CEP112: variants seen among roughly 807,000 people sequenced by gnomAD.
CEP112 encodes centrosomal protein of 112 kDa.
A neutral mutation model predicts 153.0 loss-of-function variants in CEP112; 127 were observed. The observed-to-expected ratio is 0.83, with a 90% CI of 0.72 to 0.96. CEP112 has a LOEUF of 0.96. CEP112 is among the 40% of genes least tolerant of loss of function. CEP112 has a pLI of 0.00. For missense variants in CEP112, 1,089 were observed against 1,101.2 expected (o/e 0.99, Z 0.16); for synonymous variants, 358 against 374.4 (o/e 0.96, Z 0.51).
chr17:65,977,516 T>C (rs991145885), intron 17 of CEP112, among the ~76,000 whole-genome samples: 2 of 152,200 alleles, frequency 1.3e-5, no homozygotes, highest in Non-Finnish European at 2.9e-5. Flanking sequence ...ATGATGCGGC[T>C]GCCTTTGGAT....
chr17:65,757,541 G>A (rs2052360044), intron 21 of CEP112, among the ~76,000 whole-genome samples: 2 of 152,310 alleles, frequency 1.3e-5, no homozygotes, highest in South Asian at 4.1e-4. Context: ...AATTGCCAAT[G>A]CTGAATTTAA....
At chr17:66,109,932 G>A (rs775407341) in intron 6 of CEP112, among the ~76,000 whole-genome samples, 27 of 152,144 alleles carry the variant, frequency 1.8e-4, no homozygotes, top group Non-Finnish European at 2.9e-4. Flanking sequence ...AGGCTGAGGC[G>A]AGCAGATCAT....
rs34264279 is a variant in CEP112 at position 65,883,263 on chromosome 17, C to CATATATATAT, written c.2163+18879_2163+18888dup. On this transcript the variant is annotated intron_variant, in intron 20 of 26. Transcript: ENST00000535342. ...ATTGCAGCTCATGCTAAGAAGTTTA[C>CATATATATAT]ATATATATATATATATATGAAGTGT... Among the ~76,000 whole-genome samples, 273 of 146,864 alleles carry CATATATATAT rather than the reference C, an allele frequency of 1.9e-3. 1 individual carries two copies. Among genetic ancestry groups the CATATATATAT allele is most frequent in the African/African-American group, 6.5e-3 (260 of 39,958 alleles).
chr17:65,640,654 G>A (rs982667819), intron 25 of CEP112, among the ~76,000 whole-genome samples: 1 of 152,130 alleles, frequency 6.6e-6, no homozygotes, highest in Non-Finnish European at 1.5e-5. Context: ...GCTAAGTGAT[G>A]GCATTTTGGA....
intron 21 of CEP112, among the ~76,000 whole-genome samples, chr17:65,839,789 A>G (rs1289879269): frequency 6.6e-6 from 1 of 152,104 alleles, no homozygotes; most frequent in Non-Finnish European, 1.5e-5. Flanking sequence ...ACTCCACCAA[A>G]ATAATGTTAG....
chr17:65,708,958 T>C (rs1257422223), intron 23 of CEP112, among the ~76,000 whole-genome samples: 3 of 152,162 alleles, frequency 2.0e-5, no homozygotes, highest in Non-Finnish European at 4.4e-5. Flanking sequence ...CTCACCCTCC[T>C]ACTTGTTATA....
intron 17 of CEP112, among the ~76,000 whole-genome samples, chr17:65,994,260 T>G (rs1481632252): frequency 6.6e-6 from 1 of 152,200 alleles, no homozygotes; most frequent in African/African-American, 2.4e-5. Flanking sequence ...ATAGTTAGGC[T>G]TTCATTGAGT....
In CEP112 at chr17:66,030,433, A is replaced by G. The variant is rs117257178; in HGVS notation, c.1219-410T>C. Among the ~76,000 whole-genome samples, 784 of 152,322 alleles carry G rather than the reference A, an allele frequency of 5.1e-3. 3 individuals are homozygous for G. Among genetic ancestry groups the G allele is most frequent in the Non-Finnish European group, 9.1e-3 (621 of 68,026 alleles). On this transcript the variant is annotated intron_variant, in intron 12 of 26. Coordinates refer to ENST00000535342, the MANE Select transcript of CEP112 (RefSeq NM_001199165.4). ...TGATTTTAAGTTTTTGAAATGTGTT[A>G]TAAGAGTAATGTAATAGTATTTTTA...
chr17:66,150,767 T>A (rs1462160896), intron 4 of CEP112, among the ~76,000 whole-genome samples: 3 of 152,262 alleles, frequency 2.0e-5, no homozygotes, highest in Admixed American at 6.5e-5. Context: ...AGTTGCTCCA[T>A]CAATTCCCAA....
chr17:66,132,743 T>G lies in CEP112; in HGVS notation c.491A>C (p.Lys164Thr). The G allele has an allele frequency of 6.2e-7, 1 of 1,613,362 alleles. No individual in the cohort carries two copies. Among genetic ancestry groups the G allele is most frequent in the Non-Finnish European group, 8.5e-7 (1 of 1,179,272 alleles). ...CAAGGAGTGTGATCTCACTCGGAGCTTCCCAGTGTACTGTTCCCTGCTAAG... is the reference window on the plus strand; with the variant it reads ...CAAGGAGTGTGATCTCACTCGGAGCGTCCCAGTGTACTGTTCCCTGCTAAG... ...DVYSREQYTGKLRVRSHSLSP... is the reference protein window; with the variant it reads ...DVYSREQYTGTLRVRSHSLSP... The change falls in exon 5 of 27, where the codon AAG becomes ACG. Residue 164 changes from lysine (K) to threonine (T), a missense_variant. Lys to Thr is a moderately conservative substitution (Grantham distance 78, BLOSUM62 -1). Coordinates refer to ENST00000535342, the MANE Select transcript of CEP112 (RefSeq NM_001199165.4).
At chr17:66,029,400 C>A (rs533930586) in intron 13 of CEP112, 148 bp from the exon 14 acceptor site, 1 of 728,080 alleles carries the variant, frequency 1.4e-6, no homozygotes. Context: ...AAACATTCTG[C>A]TTATGTTAAA....
chr17:65,816,213 T>C (rs1332107819), intron 21 of CEP112, among the ~76,000 whole-genome samples: 1 of 152,074 alleles, frequency 6.6e-6, no homozygotes, highest in Non-Finnish European at 1.5e-5. Flanking sequence ...CATTAAAATG[T>C]CCAATTCAGT....
intron 6 of CEP112, among the ~76,000 whole-genome samples, chr17:66,102,755 C>T (rs2068618542): frequency 6.7e-6 from 1 of 148,824 alleles, no homozygotes; most frequent in East Asian, 2.0e-4. Context: ...CCGAGATAAC[C>T]CACTGCACTC....
intron 18 of CEP112, among the ~76,000 whole-genome samples, chr17:65,936,910 TCCCTG>T (rs2061330782): frequency 6.8e-6 from 1 of 147,024 alleles, no homozygotes; most frequent in Non-Finnish European, 1.5e-5. Context: ...CACTGCAACC[TCCCTG>T]CCTGATTCTC....
chr17:65,748,397 C>G (rs751995575), intron 22 of CEP112, among the ~76,000 whole-genome samples: 14 of 152,174 alleles, frequency 9.2e-5, no homozygotes, highest in Non-Finnish European at 1.3e-4. Context: ...AAACAGTTAG[C>G]AACCCTGTGC....
In CEP112 at chr17:66,166,171, T is replaced by C. The variant is rs368274516; in HGVS notation, c.470+8873A>G. ...ATTATTTGCACTCTCCTAGAAATCC[T>C]AAGCAATCTGGTGTAGGCTCCTAAT... On this transcript the variant is annotated intron_variant, in intron 4 of 26. Transcript: ENST00000535342. 5.9e-5 allele frequency among the ~76,000 whole-genome samples: 9 copies of C among 152,298 alleles called. No individual in the cohort carries two copies. The South Asian group carries it at 8.3e-4, about 14-fold the overall frequency.
intron 17 of CEP112, among the ~76,000 whole-genome samples, chr17:65,971,691 T>C (rs1024369950): frequency 2.0e-5 from 3 of 152,178 alleles, no homozygotes; most frequent in Non-Finnish European, 4.4e-5. Flanking sequence ...TACATGCGTG[T>C]ATATTACATG....
At chr17:65,994,267 G>A (rs1198997877) in intron 17 of CEP112, among the ~76,000 whole-genome samples, 2 of 152,244 alleles carry the variant, frequency 1.3e-5, no homozygotes, top group Admixed American at 6.5e-5. Context: ...GGCTTTCATT[G>A]AGTTGACCAC....
intron 6 of CEP112, among the ~76,000 whole-genome samples, chr17:66,121,972 G>A (rs984238044): frequency 6.6e-6 from 1 of 152,006 alleles, no homozygotes; most frequent in African/African-American, 2.4e-5. Context: ...TCGGCTCTCT[G>A]CAACCTCCAC....
Sources: allele counts gnomAD v4.1 joint callset (sites outside exome capture counted in the v4.1 genomes callset), GRCh38; gene constraint gnomAD v4.1.1; transcripts MANE v1.5; gene names NCBI Gene and HGNC (gene_info 2026-07-23, HGNC 2026-07-21).